The following BMP6 variants were observed in gnomAD, a reference collection of about 807,000 sequenced individuals.
BMP6 encodes the protein bone morphogenetic protein 6.
In BMP6, 17 loss-of-function variants were observed where a neutral mutation model predicts 54.1. That is an observed-to-expected ratio of 0.31 (90% CI 0.22 to 0.47). The LOEUF is 0.47. BMP6 is among the 20% of genes least tolerant of loss of function. The probability of loss-of-function intolerance (pLI) is 1.00; values close to 1 mark genes in which losing one functional copy is unlikely to be tolerated. For missense variants in BMP6, 720 were observed against 690.4 expected, an observed-to-expected ratio of 1.04 and a Z score of -0.48; for synonymous variants, 328 against 291.2, an observed-to-expected ratio of 1.13 and a Z score of -1.28.
intron 1 of BMP6, among the ~76,000 whole-genome samples, chr6:7,773,716 C>A (rs918491555): frequency 6.6e-6 from 1 of 152,138 alleles, no homozygotes; most frequent in Admixed American, 6.5e-5. Flanking sequence ...CTAAGGGAAG[C>A]CTTCTAGCTT....
At chr6:7,746,497 T>G (rs891075013) in intron 1 of BMP6, among the ~76,000 whole-genome samples, 1 of 152,204 alleles carries the variant, frequency 6.6e-6, no homozygotes, top group African/African-American at 2.4e-5. Flanking sequence ...TTTTGAAATT[T>G]TAAAATAGTT....
chr6:7,835,184 A>G (rs1249455710), intron 1 of BMP6, among the ~76,000 whole-genome samples: 4 of 152,008 alleles, frequency 2.6e-5, no homozygotes, highest in Non-Finnish European at 5.9e-5. Context: ...GTGCAGTGGC[A>G]CCATCTCGGC....
At chr6:7,835,752 G>C (rs558099410) in intron 1 of BMP6, among the ~76,000 whole-genome samples, 1 of 152,312 alleles carries the variant, frequency 6.6e-6, no homozygotes, top group South Asian at 2.1e-4. Flanking sequence ...TGAAGTGCCT[G>C]AGTGTGCTCT....
At chr6:7,878,226 G>C (rs1199744160) in intron 4 of BMP6, among the ~76,000 whole-genome samples, 2 of 152,158 alleles carry the variant, frequency 1.3e-5, no homozygotes, top group East Asian at 1.9e-4. Flanking sequence ...TTGTGTGTCT[G>C]TTTTACACCA....
chr6:7,761,662 C>T (rs1463452451), intron 1 of BMP6, among the ~76,000 whole-genome samples: 2 of 152,202 alleles, frequency 1.3e-5, no homozygotes, highest in East Asian at 1.9e-4. Flanking sequence ...ACTGGCTGTT[C>T]TTTACCTGCT....
chr6:7,808,664 A>T (rs1213986340), intron 1 of BMP6, among the ~76,000 whole-genome samples: 2 of 152,132 alleles, frequency 1.3e-5, no homozygotes, highest in African/African-American at 4.8e-5. Flanking sequence ...CTATAATTCC[A>T]GTGCTTTGGG....
At chr6:7,817,397 A>G (rs559990156) in intron 1 of BMP6, among the ~76,000 whole-genome samples, 1 of 152,124 alleles carries the variant, frequency 6.6e-6, no homozygotes, top group East Asian at 1.9e-4. Flanking sequence ...ATGCAACCAT[A>G]AAAAAGGATG....
intron 1 of BMP6, among the ~76,000 whole-genome samples, chr6:7,756,972 A>G (rs1757524009): frequency 6.6e-6 from 1 of 152,168 alleles, no homozygotes; most frequent in Non-Finnish European, 1.5e-5. Context: ...GAACTCAGCC[A>G]AAGGTTAGAG....
At chr6:7,861,348 T>G in intron 2 of BMP6, 103 bp from the exon 3 acceptor site, 1 of 1,442,236 alleles carries the variant, frequency 6.9e-7, no homozygotes, top group Non-Finnish European at 9.5e-7. Flanking sequence ...CAGGTAGATG[T>G]GATCTGACTC....
At chr6:7,791,340 G>C (rs566483068) in intron 1 of BMP6, among the ~76,000 whole-genome samples, 1 of 152,160 alleles carries the variant, frequency 6.6e-6, no homozygotes, top group Non-Finnish European at 1.5e-5. Context: ...CCACTGCTTC[G>C]GTGAGATGGA....
intron 1 of BMP6, among the ~76,000 whole-genome samples, chr6:7,792,652 G>GT (rs1758127596): frequency 6.6e-6 from 1 of 152,194 alleles, no homozygotes; most frequent in South Asian, 2.1e-4. Flanking sequence ...TTAGCCTTCT[G>GT]TTTTTTCATG....
intron 4 of BMP6, among the ~76,000 whole-genome samples, chr6:7,864,010 G>GA (rs5874117): frequency 2.8e-3 from 357 of 128,844 alleles, no homozygotes; most frequent in African/African-American, 4.5e-3. Context: ...AGACTCCATC[G>GA]AAAAAAAAAA....
At position 7,856,991 on chromosome 6, in the gene BMP6, A is replaced by T. The variant is rs147918593; in HGVS notation, c.858-4460A>T. Among the ~76,000 whole-genome samples the T allele has an allele frequency of 4.0e-3, 611 of 152,314 alleles. 5 individuals carry two copies. Among genetic ancestry groups the T allele is most frequent in the African/African-American group, 0.014 (586 of 41,570 alleles). ...TGATGGGTGTGTGGTTTGTCAGGAA[A>T]GGGTCGAAGCCTGTCCACCAGGAGC... On this transcript the variant is annotated intron_variant, in intron 2 of 6. Transcript: ENST00000283147.
intron 1 of BMP6, among the ~76,000 whole-genome samples, chr6:7,774,192 G>A (rs200847881): frequency 1.3e-5 from 2 of 152,330 alleles, no homozygotes; most frequent in East Asian, 3.9e-4. Flanking sequence ...GGCTCCCTCA[G>A]CCTGGTGGCA....
chr6:7,839,673 T>C (rs1348111632), intron 1 of BMP6, among the ~76,000 whole-genome samples: 1 of 152,242 alleles, frequency 6.6e-6, no homozygotes, highest in East Asian at 1.9e-4. Context: ...TATTCCATCA[T>C]AGGTCTGTAC....
At chr6:7,765,094 G>A (rs1280614405) in intron 1 of BMP6, among the ~76,000 whole-genome samples, 1 of 152,164 alleles carries the variant, frequency 6.6e-6, no homozygotes, top group Admixed American at 6.5e-5. Context: ...TTGCAGTGTC[G>A]TTTTGAGTGA....
At chr6:7,799,834 C>G (rs918327280) in intron 1 of BMP6, among the ~76,000 whole-genome samples, 1 of 151,926 alleles carries the variant, frequency 6.6e-6, no homozygotes, top group Non-Finnish European at 1.5e-5. Flanking sequence ...ATTCTCTACT[C>G]TCATTCACAG....
At chr6:7,746,403 G>A (rs1365608271) in intron 1 of BMP6, among the ~76,000 whole-genome samples, 1 of 152,198 alleles carries the variant, frequency 6.6e-6, no homozygotes, top group Non-Finnish European at 1.5e-5. Flanking sequence ...GGCCTGAAAT[G>A]GGAGACGAAC....
intron 4 of BMP6, among the ~76,000 whole-genome samples, chr6:7,872,355 G>C (rs1008872863): frequency 6.6e-6 from 1 of 151,304 alleles, no homozygotes; most frequent in African/African-American, 2.4e-5. Flanking sequence ...CTGACCCTGA[G>C]TGGCAGACAC....
Sources: allele counts gnomAD v4.1 joint callset (sites outside exome capture counted in the v4.1 genomes callset), GRCh38; gene constraint gnomAD v4.1.1; transcripts MANE v1.5; gene names NCBI Gene and HGNC (gene_info 2026-07-23, HGNC 2026-07-21).